Variants in FBLN2 observed in about 807,000 individuals in gnomAD.
The protein encoded by FBLN2 is fibulin-2.
Under a neutral mutation model 123.7 loss-of-function variants are expected in FBLN2, and 81 were observed. The ratio of observed to expected loss-of-function variants is 0.65; its 90% CI spans 0.55 to 0.79. The LOEUF (loss-of-function observed/expected upper bound fraction) is 0.79. Among genes scored for constraint, FBLN2 ranks in the 30% least tolerant of loss-of-function variants. The probability of loss-of-function intolerance (pLI) is 0.00; values close to 1 mark genes in which losing one functional copy is unlikely to be tolerated. For synonymous variants in FBLN2, 699 were observed against 701.4 expected, an observed-to-expected ratio of 1.00 and a Z score of 0.05; for missense variants, 1,603 against 1,681.3, an observed-to-expected ratio of 0.95 and a Z score of 0.81.
At chr3:13,611,706 C>G (rs1705396580) in intron 4 of FBLN2, among the ~76,000 whole-genome samples, 1 of 152,140 alleles carries the variant, frequency 6.6e-6, no homozygotes, top group African/African-American at 2.4e-5. Flanking sequence ...TTGCTTCCAC[C>G]TTTTGGCTAT....
intron 1 of FBLN2, among the ~76,000 whole-genome samples, chr3:13,562,643 G>A (rs1052100218): frequency 2.0e-5 from 3 of 152,180 alleles, no homozygotes; most frequent in Non-Finnish European, 2.9e-5. Context: ...GCCGCGCCCG[G>A]CTGCGATTTA....
At chr3:13,573,107 TGA>T (rs150160271) in intron 2 of FBLN2, among the ~76,000 whole-genome samples, 4,148 of 152,240 alleles carry the variant, frequency 0.027, 193 homozygotes, top group African/African-American at 0.095. Flanking sequence ...TCCGTCAGTG[TGA>T]GAGGGGACAG....
At chr3:13,564,007 C>T (rs1703676482) in intron 1 of FBLN2, among the ~76,000 whole-genome samples, 1 of 152,202 alleles carries the variant, frequency 6.6e-6, no homozygotes, top group South Asian at 2.1e-4. Context: ...AGTGTGCATC[C>T]AAATTAGCCC....
At chr3:13,618,054 T>G in intron 5 of FBLN2, 22 bp from the exon 6 acceptor site, 3 of 1,610,818 alleles carry the variant, frequency 1.9e-6, no homozygotes, top group Non-Finnish European at 2.5e-6. Context: ...GGCTCTGTCT[T>G]GAGCTCTAAC....
chr3:13,614,601 T>TCCATCCATCCATCCATCCAC (rs1553621251), intron 5 of FBLN2, among the ~76,000 whole-genome samples: 3 of 108,776 alleles, frequency 2.8e-5, no homozygotes, highest in African/African-American at 1.4e-4. Context: ...CATCCATCCA[T>TCCATCCATCCATCCATCCAC]CCATCCACCC....
chr3:13,551,494 A>G (rs556672361), intron 1 of FBLN2, among the ~76,000 whole-genome samples: 1 of 152,288 alleles, frequency 6.6e-6, no homozygotes, highest in East Asian at 1.9e-4. Flanking sequence ...AAGGGGAGGT[A>G]GAGAAAGGGC....
chr3:13,626,185 CA>C (rs1343734703), intron 9 of FBLN2, among the ~76,000 whole-genome samples: 2 of 152,208 alleles, frequency 1.3e-5, no homozygotes, highest in Non-Finnish European at 2.9e-5. Context: ...GTCTGCCCCA[CA>C]AGGGCAGGGA....
rs759949630 is a variant in FBLN2, at chr3:13,570,354, C to A, written c.-2C>A. The A allele has an allele frequency of 1.3e-6, 2 of 1,549,502 alleles. No homozygotes were observed. Among genetic ancestry groups the A allele is most frequent in the Middle Eastern group, 1.7e-4 (1 of 5,916 alleles). On this transcript the variant is annotated 5_prime_UTR_variant, in exon 2 of 18. Transcript: ENST00000404922. ...GGGGACCGTCCTGGGCTGGCCTGGA[C>A]CATGGTGCTGCTCTGGGAGCCTGCA...
intron 9 of FBLN2, among the ~76,000 whole-genome samples, chr3:13,626,099 C>G (rs1207966216): frequency 1.3e-5 from 2 of 152,156 alleles, no homozygotes; most frequent in Admixed American, 6.5e-5. Context: ...GCGTCCTGCT[C>G]TGTTTTATCC....
intron 2 of FBLN2, among the ~76,000 whole-genome samples, chr3:13,577,427 G>A (rs1250577003): frequency 6.6e-6 from 1 of 152,150 alleles, no homozygotes; most frequent in Non-Finnish European, 1.5e-5. Context: ...GGGGGAGAGG[G>A]AGGGGGATAG....
At chr3:13,630,595 T>C in intron 14 of FBLN2, 104 bp from the exon 15 acceptor site, 3 of 936,552 alleles carry the variant, frequency 3.2e-6, no homozygotes, top group Non-Finnish European at 4.9e-6. Context: ...TCAACCCCAG[T>C]CCAGGCCGGG....
chr3:13,622,602 G>A (rs975542132), intron 9 of FBLN2, among the ~76,000 whole-genome samples: 1 of 152,250 alleles, frequency 6.6e-6, no homozygotes, highest in Non-Finnish European at 1.5e-5. Context: ...AGGACTGGGT[G>A]AGGGCTCATA....
chr3:13,566,228 C>T (rs531957485), intron 1 of FBLN2, among the ~76,000 whole-genome samples: 4 of 152,150 alleles, frequency 2.6e-5, no homozygotes, highest in Non-Finnish European at 5.9e-5. Flanking sequence ...CTGCAGAAGC[C>T]GGGGTTGTGG....
chr3:13,571,219 G>T lies in FBLN2; in HGVS notation c.864G>T (p.Glu288Asp). 1 of 1,570,076 alleles carries T rather than the reference G, an allele frequency of 6.4e-7. No homozygotes were observed. The highest frequency in any genetic ancestry group is 2.4e-5 in the East Asian group (1 of 42,516). The change falls in exon 2 of 18, where the codon GAG becomes GAT. Residue 288 changes from glutamate to aspartate, a missense_variant. Glu to Asp is a conservative substitution (Grantham distance 45). Coordinates refer to ENST00000404922, the MANE Select transcript of FBLN2 (RefSeq NM_001004019.2). ...EEEEEEEEER[E>D]EMAVTEQLAA... Reference sequence around the variant, plus strand: ...AAGAAGAGGAGGAGGAGGAGAGAGAGGAAATGGCTGTCACTGAGCAGCTGG... The same window carrying T: ...AAGAAGAGGAGGAGGAGGAGAGAGATGAAATGGCTGTCACTGAGCAGCTGG...
chr3:13,629,819 G>T lies in FBLN2; in HGVS notation c.2843-1G>T, dbSNP rs866796339. 1.5e-5 allele frequency: 24 copies of T among 1,569,252 alleles called. No homozygotes were observed. The highest frequency in any genetic ancestry group is 1.9e-5 in the Non-Finnish European group (22 of 1,157,512). On this transcript the variant is annotated splice_acceptor_variant, in intron 13 of 17. Coordinates refer to ENST00000404922, the MANE Select transcript of FBLN2 (RefSeq NM_001004019.2). LOFTEE classifies it high-confidence loss of function. ...TGTACCTGCTGCCTGCCCTCCCACA[G>T]ACGTGAATGAGTGCTGGGCCTCGCC...
Position 13,608,179 on chromosome 3 carries a change from G to A in FBLN2, c.1418+6G>A, listed in dbSNP as rs1705270488. On this transcript the variant is annotated splice_donor_region_variant and intron_variant, in intron 3 of 17. Transcript: ENST00000404922. ...ACTGAGGACAACGTCTGCAGGTAGG[G>A]TGGGCTCCCTGGAGCAGGCGGAGCT... The A allele has an allele frequency of 6.4e-7, 1 of 1,569,320 alleles. No homozygotes were observed. Among genetic ancestry groups the A allele is most frequent in the Non-Finnish European group, 8.7e-7 (1 of 1,155,722 alleles).
intron 1 of FBLN2, among the ~76,000 whole-genome samples, chr3:13,561,321 A>G (rs1703594044): frequency 6.6e-6 from 1 of 152,170 alleles, no homozygotes; most frequent in Non-Finnish European, 1.5e-5. Flanking sequence ...GACAACATCC[A>G]CTAAATGTAC....
At chr3:13,629,091 C>T (rs747905798) in intron 12 of FBLN2, 43 bp downstream of exon 12, 5 of 1,612,854 alleles carry the variant, frequency 3.1e-6, no homozygotes, top group Non-Finnish European at 4.2e-6. Flanking sequence ...CCCGGCCTGC[C>T]CGCTTCCCCA....
intron 2 of FBLN2, among the ~76,000 whole-genome samples, chr3:13,600,035 G>C (rs1704974246): frequency 6.7e-6 from 1 of 149,336 alleles, no homozygotes; most frequent in African/African-American, 2.5e-5. Context: ...GAGAGAGAGA[G>C]AGAGAGAGAG....
Sources: gnomAD v4.1 joint callset for allele counts (sites outside exome capture counted in the v4.1 genomes callset) on GRCh38, gnomAD v4.1.1 for gene constraint, MANE v1.5 for transcripts, NCBI Gene and HGNC (gene_info 2026-07-23, HGNC 2026-07-21) for gene names.